The following MAP3K12 variants were observed in gnomAD, a reference collection of about 807,000 sequenced individuals.
MAP3K12 encodes mitogen-activated protein kinase kinase kinase 12, also known as MAPK-upstream kinase.
A neutral mutation model predicts 87.5 loss-of-function variants in MAP3K12; 14 were observed. The ratio of observed to expected loss-of-function variants is 0.16; its 90% confidence interval spans 0.11 to 0.25. MAP3K12 has a LOEUF of 0.25. Among genes scored for constraint, MAP3K12 ranks in the 10% least tolerant of loss-of-function variants. The probability of loss-of-function intolerance (pLI) is 1.00; values close to 1 mark genes in which losing one functional copy is unlikely to be tolerated. For synonymous variants in MAP3K12, 469 were observed against 452.5 expected (o/e 1.04, Z -0.46); for missense variants, 802 against 1,140.4 (o/e 0.70, Z 4.27).
chr12:53,496,451 C>G lies in MAP3K12; in HGVS notation c.-38+2976G>C, dbSNP rs754661631. On this transcript the variant is annotated intron_variant, in intron 1 of 13. Transcript: ENST00000547488. ...TCCCTTTGATCACGTGGCCCTGGATCACCCCTCAGCCTTACCCATGGAGGC... is the reference window on the plus strand; with the variant it reads ...TCCCTTTGATCACGTGGCCCTGGATGACCCCTCAGCCTTACCCATGGAGGC... Among the ~76,000 whole-genome samples, 11 of 152,230 alleles carry G rather than the reference C, an allele frequency of 7.2e-5. 1 individual carries two copies. Among genetic ancestry groups the G allele is most frequent in the Middle Eastern group, 3.2e-3 (1 of 316 alleles).
chr12:53,484,476 C>T (rs1350205284), intron 6 of MAP3K12, 111 bp from the exon 7 acceptor site: 30 of 720,304 alleles, frequency 4.2e-5, no homozygotes, highest in Non-Finnish European at 7.0e-5. Context: ...CTAGAATGTA[C>T]TCTGTGACAA....
Position 53,487,072 on chromosome 12 carries a change from G to A in MAP3K12, c.320C>T (p.Ala107Val). The change falls in exon 2 of 14, where the codon GCT becomes GTT. Residue 107 changes from alanine to valine, a missense_variant. Around this residue, in one of 5 missense-constraint regions of MAP3K12, gnomAD observed 135 missense variants for 151.6 expected, o/e 0.89. Coordinates refer to ENST00000547488, the MANE Select transcript of MAP3K12 (RefSeq NM_001193511.2). ...CTGGCACTGCAGTCGCACCTCGTCA[G>A]CTCGAACTCTGGATGCCCGACTCTC... ...SPESRASRVR[A>V]DEVRLQCQSG... 2 of 1,614,022 alleles carry A rather than the reference G, an allele frequency of 1.2e-6. No individual in the cohort carries two copies. The highest frequency in any genetic ancestry group is 8.5e-7 in the Non-Finnish European group (1 of 1,179,998).
chr12:53,486,171 G>C lies in MAP3K12; in HGVS notation c.706C>G (p.Arg236Gly). 1 of 1,614,096 alleles carries C rather than the reference G, an allele frequency of 6.2e-7. No homozygotes were observed. The highest frequency in any genetic ancestry group is 8.5e-7 in the Non-Finnish European group (1 of 1,179,996). Reference protein sequence around the residue: ...CAQGQLYEVLRAGRPVTPSLL... With the variant: ...CAQGQLYEVLGAGRPVTPSLL... ...GAGGGGGTGACAGGGCGGCCAGCCCGCAGTACCTCATACAGCTGGCCCTGG... is the reference window on the plus strand; with the variant it reads ...GAGGGGGTGACAGGGCGGCCAGCCCCCAGTACCTCATACAGCTGGCCCTGG... The change falls in exon 4 of 14, where the codon CGG (arginine) becomes GGG (glycine). Residue 236 changes from arginine (R) to glycine (G), a missense_variant. Physicochemically the swap from Arg to Gly is moderately radical, Grantham distance 125. Coordinates refer to ENST00000547488, the MANE Select transcript of MAP3K12 (RefSeq NM_001193511.2). The surrounding 1 kb of genome is among the most constrained non-coding windows in gnomAD (Gnocchi z 4.9).
Position 53,481,246 on chromosome 12 carries a change from C to T in MAP3K12, c.2615G>A (p.Ser872Asn), listed in dbSNP as rs775107641. ...PPNSEDSDCD[S>N]TELDNSNSVD... The stretch of plus-strand genomic sequence containing the variant: ...GCTGTTGGAGTTGTCCAATTCAGTG[C>T]TGTCACAGTCTGAGTCCTCAGAATT... Residue 872 changes from serine to asparagine, a missense_variant, in exon 14 of 14, where the codon AGC becomes AAC. Physicochemically the swap from Ser to Asn is conservative, Grantham distance 46 (BLOSUM62 1). This residue lies in a region of MAP3K12 where 490 missense variants were observed against 496.6 expected (regional missense o/e 0.99). Coordinates refer to ENST00000547488, the MANE Select transcript of MAP3K12 (RefSeq NM_001193511.2). The T allele has an allele frequency of 6.4e-7, 1 of 1,565,728 alleles. No homozygotes were observed. Among genetic ancestry groups the T allele is most frequent in the Non-Finnish European group, 8.6e-7 (1 of 1,156,210 alleles).
chr12:53,498,441 G>A (rs1943587967), intron 1 of MAP3K12, among the ~76,000 whole-genome samples: 1 of 152,080 alleles, frequency 6.6e-6, no homozygotes, highest in Non-Finnish European at 1.5e-5. Flanking sequence ...CTGATTGGAG[G>A]CCACTCACCT....
chr12:53,500,553 C>G (rs1435781634), upstream of MAP3K12: 1 of 152,476 alleles, frequency 6.6e-6, no homozygotes, highest in African/African-American at 2.4e-5. Context: ...GAAGGACGAC[C>G]TAGGAAAAGG....
intron 7 of MAP3K12, 109 bp from the exon 8 acceptor site, chr12:53,484,129 G>T: frequency 7.3e-7 from 1 of 1,372,604 alleles, no homozygotes; most frequent in Non-Finnish European, 1.0e-6. Context: ...AAAAGGAGTG[G>T]ATTGACTCAG....
In MAP3K12 at chr12:53,486,861, G is replaced by A. The variant is rs888284233; in HGVS notation, c.445+86C>T. On this transcript the variant is annotated intron_variant, in intron 2 of 13. Transcript: ENST00000547488. This position sits in a 1 kb window ranked among gnomAD's most constrained non-coding sequence, Gnocchi z 4.9. Reference sequence around the variant, plus strand: ...AGGGCTGGGCCATGGGGAGGGAAGGGACCATTGCGTGACTTTAGCGGAGCT... The same window carrying A: ...AGGGCTGGGCCATGGGGAGGGAAGGAACCATTGCGTGACTTTAGCGGAGCT... The A allele has an allele frequency of 1.0e-4, 157 of 1,571,444 alleles. No homozygotes were observed. Among genetic ancestry groups the A allele is most frequent in the East Asian group, 4.5e-5 (2 of 44,462 alleles).
rs374436740 is a variant in MAP3K12, at chr12:53,483,061, C to T, written c.1742G>A (p.Arg581His). Reference protein sequence around the residue: ...GRSRRGKTRHRKASAKGSCGD... With the variant: ...GRSRRGKTRHHKASAKGSCGD... ...ACAGCTCCCCTTGGCGCTGGCCTTG[C>T]GGTGACGGGTCTTGCCACGGCGACT... Residue 581 changes from arginine to histidine, a missense_variant, in exon 11 of 14, where the codon CGC becomes CAC. Around this residue, in one of 5 missense-constraint regions of MAP3K12, gnomAD observed 490 missense variants for 496.6 expected, o/e 0.99. Transcript: ENST00000547488. The T allele has an allele frequency of 9.1e-6, 14 of 1,543,858 alleles. No homozygotes were observed. The highest frequency in any genetic ancestry group is 4.1e-5 in the African/African-American group (3 of 72,414).
At chr12:53,490,074 A>G (rs1592717584) in intron 1 of MAP3K12, among the ~76,000 whole-genome samples, 1 of 151,992 alleles carries the variant, frequency 6.6e-6, no homozygotes, top group South Asian at 2.1e-4. Context: ...AGGCTGAGGC[A>G]GGCGGACCAC....
chr12:53,500,745 A>C (rs977131701), upstream of MAP3K12: 1 of 152,672 alleles, frequency 6.5e-6, no homozygotes, highest in African/African-American at 2.4e-5. Context: ...ATCCGACGGC[A>C]GCCTCTCCGG....
chr12:53,488,580 A>T (rs761080916), intron 1 of MAP3K12, among the ~76,000 whole-genome samples: 1 of 151,022 alleles, frequency 6.6e-6, no homozygotes, highest in Non-Finnish European at 1.5e-5. Context: ...AGAATTGCTT[A>T]AACCCGGGAG....
intron 1 of MAP3K12, among the ~76,000 whole-genome samples, chr12:53,497,481 G>A (rs1026441154): frequency 6.6e-6 from 1 of 152,162 alleles, no homozygotes; most frequent in African/African-American, 2.4e-5. Context: ...CACTGTCACA[G>A]TCTCCTCACC....
Position 53,487,283 on chromosome 12 carries a change from T to A in MAP3K12, c.109A>T (p.Thr37Ser). 6.2e-7 allele frequency: 1 copy of A among 1,613,076 alleles called. No individual in the cohort carries two copies. The highest frequency in any genetic ancestry group is 8.5e-7 in the Non-Finnish European group (1 of 1,179,782). Reference protein sequence around the residue: ...RKLDPDTSDCTPEKDLTPTQC... With the variant: ...RKLDPDTSDCSPEKDLTPTQC... ...GTAGGCGTCAGGTCCTTCTCGGGAG[T>A]GCAGTCAGAAGTGTCTGGGTCCAGC... is the stretch of plus-strand genomic sequence containing the variant. The change falls in exon 2 of 14, where the codon ACT (threonine) becomes TCT (serine). Residue 37 changes from threonine to serine, a missense_variant. Around this residue, in one of 5 missense-constraint regions of MAP3K12, gnomAD observed 135 missense variants for 151.6 expected, o/e 0.89. Coordinates refer to ENST00000547488, the MANE Select transcript of MAP3K12 (RefSeq NM_001193511.2).
At chr12:53,485,742 G>C (rs907979893) in intron 4 of MAP3K12, 34 of 512,740 alleles carry the variant, frequency 6.6e-5, no homozygotes, top group Non-Finnish European at 1.0e-4. Context: ...ATTTTTATTA[G>C]AGACGAGGTT....
intron 1 of MAP3K12, among the ~76,000 whole-genome samples, chr12:53,492,451 G>C (rs1393281526): frequency 1.3e-5 from 2 of 149,862 alleles, no homozygotes; most frequent in Non-Finnish European, 3.0e-5. Context: ...CACTCTCTCT[G>C]CGCGCGCGCG....
chr12:53,501,504 G>C (rs1480879330), upstream of MAP3K12: 21 of 1,552,726 alleles, frequency 1.4e-5, no homozygotes, highest in Non-Finnish European at 1.8e-5. Flanking sequence ...AAAAGCGTGG[G>C]GCCGTGCGGA....
In MAP3K12 at chr12:53,482,887, A is replaced by G. The variant is rs1592708135; in HGVS notation, c.1916T>C (p.Met639Thr). Reference sequence around the variant, plus strand: ...CAGCAGGTCTGGGGACGATGAAGACATTTTGCGGAGCAGGAGGTCATGATG... The same window carrying G: ...CAGCAGGTCTGGGGACGATGAAGACGTTTTGCGGAGCAGGAGGTCATGATG... ...GLHHDLLLRKMSSSSPDLLSA... is the reference protein window; with the variant it reads ...GLHHDLLLRKTSSSSPDLLSA... The change falls in exon 11 of 14, where the codon ATG becomes ACG. Residue 639 changes from methionine (M) to threonine (T), a missense_variant. Transcript: ENST00000547488. 3 of 1,612,184 alleles carry G rather than the reference A, an allele frequency of 1.9e-6. No homozygotes were observed. Among genetic ancestry groups the G allele is most frequent in the Admixed American group, 1.7e-5 (1 of 59,964 alleles).
chr12:53,494,146 G>C (rs1943489274), intron 1 of MAP3K12, among the ~76,000 whole-genome samples: 1 of 152,190 alleles, frequency 6.6e-6, no homozygotes, highest in Non-Finnish European at 1.5e-5. Flanking sequence ...GCTTTGGAGG[G>C]GCGTCTAGGA....
Sources: allele counts gnomAD v4.1 joint callset (sites outside exome capture counted in the v4.1 genomes callset), GRCh38; gene constraint gnomAD v4.1.1; regional missense constraint gnomAD v4.1.1; non-coding constraint Gnocchi (gnomAD v3.1); transcripts MANE v1.5; gene names NCBI Gene and HGNC (gene_info 2026-07-23, HGNC 2026-07-21).